SLC27A1: variants seen among roughly 807,000 people sequenced by gnomAD.
SLC27A1 encodes the protein solute carrier family 27 member 1, also known as long-chain fatty acid transport protein 1.
A neutral mutation model predicts 62.2 loss-of-function variants in SLC27A1; 61 were observed. That is an observed-to-expected ratio of 0.98 (90% confidence interval 0.80 to 1.21). SLC27A1 has a LOEUF of 1.21. Among genes scored for constraint, SLC27A1 ranks in the 50% most tolerant of loss-of-function variants. SLC27A1 has a pLI of 0.00. For missense variants in SLC27A1, 903 were observed against 932.1 expected (o/e 0.97, Z 0.41); for synonymous variants, 435 against 408.6 (o/e 1.06, Z -0.78).
chr19:17,500,998 C>A (rs1376833354), intron 10 of SLC27A1, 122 bp downstream of exon 10: 1 of 1,197,220 alleles, frequency 8.4e-7, no homozygotes, highest in African/African-American at 1.5e-5. Flanking sequence ...CATGGCAGCC[C>A]AGGAGGAAGC....
Position 17,487,421 on chromosome 19 carries a change from A to G in SLC27A1, c.725-39A>G, listed in dbSNP as rs546819066. The G allele has an allele frequency of 1.2e-4, 115 of 993,844 alleles. 1 individual carries two copies. The highest frequency in any genetic ancestry group is 4.2e-4 in the Middle Eastern group (1 of 2,402). The allele number at this position is 993,844 out of a possible 1,614,324, so 61.6% of individuals were successfully genotyped here. A position where few individuals can be genotyped will look rare whatever the true frequency, so the allele number is the denominator to read the frequency against. The stretch of plus-strand genomic sequence containing the variant: ...CCCAACTTCCAGGCCCCACCCCCCA[A>G]TGCTCAGGCCCCACCCCTAACACCT... On this transcript the variant is annotated intron_variant, in intron 3 of 11. Transcript: ENST00000252595.
chr19:17,487,621 C>A, intron 4 of SLC27A1, 92 bp downstream of exon 4: 1 of 1,253,748 alleles, frequency 8.0e-7, no homozygotes, highest in Admixed American at 2.0e-5. Context: ...CTGTGGGCAT[C>A]TCCATGTTAC....
intron 1 of SLC27A1, among the ~76,000 whole-genome samples, chr19:17,474,632 T>C (rs913187566): frequency 1.1e-4 from 15 of 135,762 alleles, no homozygotes; most frequent in African/African-American, 3.3e-4. Flanking sequence ...CCTTTCTTTT[T>C]TTTTTTTTTT....
At chr19:17,477,533 C>T (rs1269491349) in intron 1 of SLC27A1, among the ~76,000 whole-genome samples, 8 of 150,560 alleles carry the variant, frequency 5.3e-5, no homozygotes, top group South Asian at 4.2e-4. Context: ...CATGACCCAC[C>T]GTGCCTGGCC....
At chr19:17,478,480 A>AG (rs2075145704) in intron 1 of SLC27A1, among the ~76,000 whole-genome samples, 1 of 151,238 alleles carries the variant, frequency 6.6e-6, no homozygotes. Flanking sequence ...AAAAAAAAAA[A>AG]AAAAAAGGCA....
chr19:17,488,909 T>C lies in SLC27A1; in HGVS notation c.856T>C (p.Tyr286His). 1 of 1,614,120 alleles carries C rather than the reference T, an allele frequency of 6.2e-7. No homozygotes were observed. Among genetic ancestry groups the C allele is most frequent in the Non-Finnish European group, 8.5e-7 (1 of 1,180,012 alleles). Reference sequence around the variant, plus strand: ...CCGCATGCAGGCGGCTGACGTGCTCTATGACTGCCTGCCCCTGTACCACTC... The same window carrying C: ...CCGCATGCAGGCGGCTGACGTGCTCCATGACTGCCTGCCCCTGTACCACTC... ...AYRMQAADVL[Y>H]DCLPLYHSAG... The change falls in exon 5 of 12, where the codon TAT (tyrosine) becomes CAT (histidine). Residue 286 changes from tyrosine to histidine, a missense_variant. Transcript: ENST00000252595.
At chr19:17,487,669 C>A in intron 4 of SLC27A1, 140 bp downstream of exon 4, 1 of 834,852 alleles carries the variant, frequency 1.2e-6, no homozygotes, top group Non-Finnish European at 1.9e-6. Flanking sequence ...TTCCTGAGCA[C>A]TTGCTCTGTG....
At chr19:17,471,252 C>T (rs565432829) in intron 1 of SLC27A1, among the ~76,000 whole-genome samples, 5 of 152,122 alleles carry the variant, frequency 3.3e-5, no homozygotes, top group East Asian at 1.9e-4. Context: ...TAAAGGACTT[C>T]CCGGGTTTCT....
intron 1 of SLC27A1, among the ~76,000 whole-genome samples, chr19:17,482,798 T>C (rs1216244297): frequency 6.6e-6 from 1 of 152,134 alleles, no homozygotes; most frequent in East Asian, 1.9e-4. Context: ...TGCAACTGGC[T>C]GCTAGGGAGG....
intron 11 of SLC27A1, among the ~76,000 whole-genome samples, chr19:17,501,853 T>C (rs2075418027): frequency 1.4e-5 from 2 of 145,104 alleles, no homozygotes; most frequent in Non-Finnish European, 3.0e-5. Flanking sequence ...GGCTCCCGCC[T>C]GTAATCTCCG....
intron 1 of SLC27A1, among the ~76,000 whole-genome samples, chr19:17,481,313 CTTTTTTTTTTTT>C (rs1041522913): frequency 7.9e-6 from 1 of 127,278 alleles, no homozygotes. Context: ...GGTTTAGTTC[CTTTTTTTTTTTT>C]TTTTTTTTTG....
intron 6 of SLC27A1, among the ~76,000 whole-genome samples, chr19:17,494,976 CT>C (rs56104169): frequency 2.1e-5 from 3 of 145,082 alleles, no homozygotes; most frequent in Admixed American, 6.9e-5. Flanking sequence ...AAATCCTTGC[CT>C]TTTTTTTTTT....
intron 9 of SLC27A1, 38 bp from the exon 10 acceptor site, chr19:17,500,674 G>A (rs2144618385): frequency 1.2e-6 from 2 of 1,614,022 alleles, no homozygotes; most frequent in Admixed American, 1.7e-5. Flanking sequence ...TGTGCGGATG[G>A]GGATCCTCCA....
At chr19:17,491,692 T>TGA (rs2075295430) in intron 6 of SLC27A1, among the ~76,000 whole-genome samples, 1 of 151,712 alleles carries the variant, frequency 6.6e-6, no homozygotes, top group Admixed American at 6.6e-5. Context: ...GGCAACATAG[T>TGA]GAGTCCCTCA....
intron 1 of SLC27A1, among the ~76,000 whole-genome samples, chr19:17,483,328 G>A (rs111551901): frequency 9.9e-5 from 15 of 152,238 alleles, no homozygotes; most frequent in South Asian, 4.2e-4. Flanking sequence ...TGTGATTGGG[G>A]AGCAGTAAGC....
In SLC27A1 at chr19:17,470,675, C is replaced by A; in HGVS notation, c.135C>A (p.Arg45=). The change falls in exon 1 of 12, where the codon CGC becomes CGA. Residue 45 remains arginine, a synonymous_variant. Coordinates refer to ENST00000252595, the MANE Select transcript of SLC27A1 (RefSeq NM_198580.3). The part of the protein sequence containing the change: ...YVGSGGWRFL[R]IVCKTARRDL... ...GCAGCGGCGGCTGGCGCTTCCTGCG[C>A]ATCGTCTGCAAGACCGCGAGGCGAG... The A allele has an allele frequency of 1.3e-6, 2 of 1,580,624 alleles. No homozygotes were observed. The highest frequency in any genetic ancestry group is 1.7e-6 in the Non-Finnish European group (2 of 1,169,926).
chr19:17,474,576 A>G (rs1032388784), intron 1 of SLC27A1, among the ~76,000 whole-genome samples: 10 of 144,220 alleles, frequency 6.9e-5, no homozygotes, highest in South Asian at 2.2e-4. Context: ...TGCTCTTCCC[A>G]CTTGTATGGT....
chr19:17,474,232 C>T lies in SLC27A1; in HGVS notation c.167+3525C>T, dbSNP rs563591881. Among the ~76,000 whole-genome samples, 205 of 152,342 alleles carry T rather than the reference C, an allele frequency of 1.3e-3. 1 individual carries two copies. The highest frequency in any genetic ancestry group is 4.6e-3 in the African/African-American group (190 of 41,578). Reference sequence around the variant, plus strand: ...GTGCTAGGATTATAGGTGTGAACCACCACATCTGGCCTGTTTTCTTGCCTT... The same window carrying T: ...GTGCTAGGATTATAGGTGTGAACCATCACATCTGGCCTGTTTTCTTGCCTT... On this transcript the variant is annotated intron_variant, in intron 1 of 11. Transcript: ENST00000252595.
intron 1 of SLC27A1, among the ~76,000 whole-genome samples, chr19:17,482,789 G>A (rs373064150): frequency 1.3e-5 from 2 of 151,986 alleles, no homozygotes; most frequent in South Asian, 4.1e-4. Context: ...TCATGCTTCT[G>A]CAACTGGCTG....
Sources: allele counts gnomAD v4.1 joint callset (sites outside exome capture counted in the v4.1 genomes callset), GRCh38; gene constraint gnomAD v4.1.1; transcripts MANE v1.5; gene names NCBI Gene and HGNC (gene_info 2026-07-23, HGNC 2026-07-21).